Variants in TBPL2 observed in about 807,000 individuals in gnomAD.
The protein encoded by TBPL2 is TATA-box binding protein like 2.
Under a neutral mutation model 38.2 loss-of-function variants are expected in TBPL2, and 40 were observed. The observed-to-expected ratio is 1.05, with a 90% CI of 0.81 to 1.36. The LOEUF is 1.36. Ranked by LOEUF, TBPL2 falls within the 40% of genes most tolerant of loss-of-function variation. The pLI, the probability that TBPL2 is intolerant of heterozygous loss-of-function variation, is 0.00. For synonymous variants in TBPL2, 169 were observed against 171.7 expected (o/e 0.98, Z 0.12); for missense variants, 461 against 456.7 (o/e 1.01, Z -0.09).
chr14:55,428,953 T>C (rs1484286793), exon 5 of TBPL2: 1 of 1,614,190 alleles, frequency 6.2e-7, no homozygotes, highest in Admixed American at 1.7e-5. Context: ...ATTTTCTTGC[T>C]GCAAGTCGAG....
chr14:55,435,824 G>A (rs7149317), intron 3 of TBPL2, 23 bp downstream of exon 3: 983,249 of 1,439,668 alleles, frequency 0.68, 337,707 homozygotes, highest in African/African-American at 0.8. Flanking sequence ...CTAATTATTG[G>A]AAGGAATACT....
chr14:55,431,865 G>T (rs1416818509), intron 4 of TBPL2, among the ~76,000 whole-genome samples: 1 of 152,160 alleles, frequency 6.6e-6, no homozygotes, highest in Admixed American at 6.5e-5. Flanking sequence ...CATCTGACTA[G>T]TGGCTATATC....
At chr14:55,433,309 CTTTTTTTT>C (rs71131269) in intron 4 of TBPL2, among the ~76,000 whole-genome samples, 13,839 of 119,878 alleles carry the variant, frequency 0.12, 740 homozygotes, top group African/African-American at 0.15. Context: ...TTAGATTTCT[CTTTTTTTT>C]TTTTTTTTTT....
At chr14:55,416,871 G>A (rs1721922319) in intron 6 of TBPL2, among the ~76,000 whole-genome samples, 1 of 152,154 alleles carries the variant, frequency 6.6e-6, no homozygotes, top group African/African-American at 2.4e-5. Flanking sequence ...CAGTGTCCAG[G>A]TCCAGTATTT....
In TBPL2 at chr14:55,424,070, C is replaced by T. The variant is rs573779307; in HGVS notation, c.1051+89G>A. ...ATTCTGTATAACAAGAATTACTTTA[C>T]CATGGTGAACAAAGGTATTTAAAAG... On this transcript the variant is annotated intron_variant, in intron 6 of 6. Transcript: ENST00000247219. 19 of 882,266 alleles carry T rather than the reference C, an allele frequency of 2.2e-5. No homozygotes were observed. In the Admixed American group the frequency reaches 4.1e-4, roughly 19 times the overall value. 54.7% of individuals were successfully genotyped at this position (882,266 alleles called of 1,614,324 possible).
exon 1 of TBPL2, chr14:55,440,606 G>A: frequency 4.7e-6 from 7 of 1,501,186 alleles, no homozygotes; most frequent in Non-Finnish European, 6.2e-6. Flanking sequence ...CAGAGGGCGC[G>A]AGAGAAGCGT....
exon 2 of TBPL2, chr14:55,436,969 T>C (rs1238041713): frequency 3.7e-6 from 6 of 1,614,166 alleles, no homozygotes; most frequent in Non-Finnish European, 5.1e-6. Context: ...GTACATATCA[T>C]AAGGTACAAC....
chr14:55,429,111 GACTT>G, intron 4 of TBPL2, 137 bp from the exon 5 acceptor site: 1 of 1,063,142 alleles, frequency 9.4e-7, no homozygotes, highest in Non-Finnish European at 1.3e-6. Flanking sequence ...TTGTGAGGAG[GACTT>G]ACTTCCCATA....
intron 4 of TBPL2, among the ~76,000 whole-genome samples, chr14:55,432,012 A>T (rs1280559954): frequency 3.3e-5 from 5 of 152,242 alleles, no homozygotes; most frequent in African/African-American, 1.2e-4. Flanking sequence ...CAATATTTGT[A>T]TAATACTGTG....
chr14:55,417,680 T>C lies in TBPL2; in HGVS notation c.1052-3225A>G, dbSNP rs1240073522. 2.0e-5 allele frequency among the ~76,000 whole-genome samples: 3 copies of C among 152,168 alleles called. No homozygotes were observed. The East Asian group carries it at 5.8e-4, about 29-fold the overall frequency. On this transcript the variant is annotated intron_variant, in intron 6 of 6. Transcript: ENST00000247219. ...TCTCGCTATGTTGCCCAGGCTGGTC[T>C]CAAACTCTTCGACTCAAGTGATCTG... is the stretch of plus-strand genomic sequence containing the variant.
chr14:55,418,059 A>C (rs1040640848), intron 6 of TBPL2, among the ~76,000 whole-genome samples: 1 of 152,220 alleles, frequency 6.6e-6, no homozygotes, highest in African/African-American at 2.4e-5. Context: ...TATAAAATCT[A>C]AGCCATTTTA....
chr14:55,415,034 G>A (rs1034687261), intron 6 of TBPL2, among the ~76,000 whole-genome samples: 3 of 152,186 alleles, frequency 2.0e-5, no homozygotes, highest in Non-Finnish European at 4.4e-5. Flanking sequence ...GAATTACAGG[G>A]ATAAAAACAT....
intron 6 of TBPL2, among the ~76,000 whole-genome samples, chr14:55,418,590 A>G (rs561799595): frequency 1.6e-4 from 24 of 152,336 alleles, no homozygotes; most frequent in African/African-American, 5.5e-4. Flanking sequence ...TGGCCCACTC[A>G]CTAACAAGTC....
intron 1 of TBPL2, among the ~76,000 whole-genome samples, chr14:55,439,571 A>G (rs1338704801): frequency 3.4e-5 from 5 of 147,452 alleles, no homozygotes; most frequent in African/African-American, 1.3e-4. Flanking sequence ...GGGTGGGATG[A>G]CTTGAGGTCA....
At chr14:55,426,652 G>A (rs191807175) in intron 5 of TBPL2, among the ~76,000 whole-genome samples, 52 of 151,950 alleles carry the variant, frequency 3.4e-4, no homozygotes, top group Non-Finnish European at 1.5e-5. Context: ...ATGAGGGGGA[G>A]GCAAGAATGA....
intron 1 of TBPL2, 76 bp downstream of exon 1, chr14:55,440,320 G>A (rs992461184): frequency 1.3e-5 from 21 of 1,558,298 alleles, no homozygotes; most frequent in South Asian, 5.8e-5. Context: ...GTTTTAAGAG[G>A]AACGAAGGCA....
In TBPL2 at chr14:55,428,941, A is replaced by ATATTTTCT; in HGVS notation, c.814_821dup (p.Tyr274Ter). On this transcript the variant is annotated stop_gained and frameshift_variant, in exon 5 of 7. Transcript: ENST00000247219. LOFTEE classifies it high-confidence loss of function. ...ACCCAAGCTTCTGCACCACACGAGC[A>ATATTTTCT]TATTTTCTTGCTGCAAGTCGAGACT... 1 of 1,614,200 alleles carries ATATTTTCT rather than the reference A, an allele frequency of 6.2e-7. No individual in the cohort carries two copies. The highest frequency in any genetic ancestry group is 8.5e-7 in the Non-Finnish European group (1 of 1,180,036).
chr14:55,418,354 A>G (rs192645804), intron 6 of TBPL2, among the ~76,000 whole-genome samples: 34 of 152,368 alleles, frequency 2.2e-4, no homozygotes, highest in African/African-American at 7.5e-4. Context: ...AGCTCCAAAT[A>G]TCAACCTCCA....
intron 6 of TBPL2, among the ~76,000 whole-genome samples, chr14:55,417,425 C>A (rs1284799342): frequency 1.4e-5 from 2 of 140,296 alleles, no homozygotes; most frequent in African/African-American, 2.7e-5. Flanking sequence ...ATTTGTAATA[C>A]CAGGCTCCAA....
Sources: allele counts gnomAD v4.1 joint callset (sites outside exome capture counted in the v4.1 genomes callset), GRCh38; gene constraint gnomAD v4.1.1; transcripts MANE v1.5; gene names NCBI Gene and HGNC (gene_info 2026-07-23, HGNC 2026-07-21).